TRIM37: variants seen among roughly 807,000 people sequenced by gnomAD.
The protein encoded by TRIM37 is E3 ubiquitin-protein ligase TRIM37.
A neutral mutation model predicts 129.8 loss-of-function variants in TRIM37; 80 were observed. The observed-to-expected ratio is 0.62, with a 90% CI of 0.51 to 0.74. The LOEUF is 0.74. Among genes scored for constraint, TRIM37 ranks in the 30% least tolerant of loss-of-function variants. TRIM37 has a pLI of 0.00. For synonymous variants in TRIM37, 389 were observed against 387.1 expected (o/e 1.00, Z -0.06); for missense variants, 1,054 against 1,176.5 (o/e 0.90, Z 1.52).
intron 22 of TRIM37, among the ~76,000 whole-genome samples, chr17:59,007,509 A>C (rs1444884620): frequency 6.6e-6 from 1 of 152,040 alleles, no homozygotes; most frequent in East Asian, 1.9e-4. Flanking sequence ...TTTTCCCCAG[A>C]TGGTGTTTTG....
chr17:59,022,162 T>C (rs940886032), intron 19 of TRIM37, among the ~76,000 whole-genome samples: 6 of 152,148 alleles, frequency 3.9e-5, no homozygotes, highest in Non-Finnish European at 1.5e-5. Flanking sequence ...GGGTTAAGGA[T>C]AGTGTAATGA....
At chr17:59,071,001 T>A in intron 8 of TRIM37, 54 bp from the exon 9 acceptor site, 1 of 1,599,072 alleles carries the variant, frequency 6.3e-7, no homozygotes, top group Non-Finnish European at 8.5e-7. Flanking sequence ...CACTGCCACC[T>A]CAAAATTCTT....
chr17:59,078,630 ATAT>A (rs1323953619), intron 7 of TRIM37, among the ~76,000 whole-genome samples: 2 of 152,208 alleles, frequency 1.3e-5, no homozygotes, highest in African/African-American at 4.8e-5. Context: ...GAGATCTCAA[ATAT>A]TATCTAGAGT....
chr17:59,051,426 G>C (rs2040335720), intron 13 of TRIM37, 98 bp from the exon 14 acceptor site: 1 of 804,040 alleles, frequency 1.2e-6, no homozygotes, highest in Non-Finnish European at 2.1e-6. Context: ...TGATTATAAG[G>C]CCAAAATTCA....
intron 22 of TRIM37, among the ~76,000 whole-genome samples, chr17:59,003,222 C>T (rs558202387): frequency 6.6e-6 from 1 of 152,264 alleles, no homozygotes; most frequent in South Asian, 2.1e-4. Context: ...AAATGTCTGC[C>T]TACTGGCATA....
Position 59,051,204 on chromosome 17 carries a change from A to T in TRIM37, c.1314+10T>A. 1 of 1,551,072 alleles carries T rather than the reference A, an allele frequency of 6.4e-7. No individual in the cohort carries two copies. Among genetic ancestry groups the T allele is most frequent in the Non-Finnish European group, 8.9e-7 (1 of 1,123,038 alleles). Reference sequence around the variant, plus strand: ...AGGAAACACCAAAACAGAAATAGATATTTTCTTACCTCTTTAAGGTTGTTT... The same window carrying T: ...AGGAAACACCAAAACAGAAATAGATTTTTTCTTACCTCTTTAAGGTTGTTT... On this transcript the variant is annotated intron_variant, in intron 14 of 23. Coordinates refer to ENST00000262294, the MANE Select transcript of TRIM37 (RefSeq NM_015294.6).
In TRIM37 at chr17:59,032,010, G is replaced by A; in HGVS notation, c.1834C>T (p.Leu612=). ...HLCSAATSSL[L]DIDPLILIHL... ...ATTAAAATTAATGGATCAATGTCTA[G>A]TAAACTACTGGTAGCAGCGGAGCAT... Residue 612 remains leucine (L), a synonymous_variant, in exon 18 of 24, where the codon CTA becomes TTA. Transcript: ENST00000262294. 6.2e-7 allele frequency: 1 copy of A among 1,614,158 alleles called. No individual in the cohort carries two copies. Among genetic ancestry groups the A allele is most frequent in the Non-Finnish European group, 8.5e-7 (1 of 1,180,014 alleles).
chr17:59,001,776 A>C, intron 22 of TRIM37, 62 bp from the exon 23 acceptor site: 1 of 1,596,094 alleles, frequency 6.3e-7, no homozygotes, highest in African/African-American at 1.3e-5. Flanking sequence ...AAGGAAACAG[A>C]AATCTCCGTA....
intron 19 of TRIM37, among the ~76,000 whole-genome samples, chr17:59,025,264 TA>T (rs926941451): frequency 6.6e-6 from 1 of 151,986 alleles, no homozygotes; most frequent in Non-Finnish European, 1.5e-5. Flanking sequence ...GACCTATATG[TA>T]AAAAAGTTAG....
chr17:59,088,469 AT>A (rs2147219165), intron 3 of TRIM37, 62 bp from the exon 4 acceptor site: 1 of 1,035,004 alleles, frequency 9.7e-7, no homozygotes, highest in Admixed American at 1.7e-5. Context: ...TATAAAATAA[AT>A]ACGTTTCTCA....
Position 59,028,688 on chromosome 17 carries a change from G to A in TRIM37, c.1984C>T (p.Gln662Ter). 6.2e-7 allele frequency: 1 copy of A among 1,614,146 alleles called. No individual in the cohort carries two copies. Among genetic ancestry groups the A allele is most frequent in the South Asian group, 1.1e-5 (1 of 91,072 alleles). The change falls in exon 19 of 24, where the codon CAA becomes TAA. Residue 662 changes from glutamine to a stop codon, truncating the protein, a stop_gained. Transcript: ENST00000262294. LOFTEE classifies it high-confidence loss of function. ...YSRKDKDQRK[Q>*]QAMWRVPSDL... ...GAGGGCACTCGCCACATTGCCTGTTGCTTCCTTTGGTCTTTATCTTTTCGA... is the reference window on the plus strand; with the variant it reads ...GAGGGCACTCGCCACATTGCCTGTTACTTCCTTTGGTCTTTATCTTTTCGA...
At chr17:59,053,323 G>C (rs955955220) in intron 13 of TRIM37, among the ~76,000 whole-genome samples, 5 of 152,158 alleles carry the variant, frequency 3.3e-5, no homozygotes, top group African/African-American at 1.2e-4. Flanking sequence ...CCAGAATCTT[G>C]AAATAAAAGG....
chr17:59,021,501 G>A lies in TRIM37; in HGVS notation c.2258-4077C>T, dbSNP rs137910375. On this transcript the variant is annotated intron_variant, in intron 19 of 23. Coordinates refer to ENST00000262294, the MANE Select transcript of TRIM37 (RefSeq NM_015294.6). ...AACAACATGGGTGGAACTGGAGATC[G>A]TTATGTTAAGTGAAATACATCAGGC... is the stretch of plus-strand genomic sequence containing the variant. Among the ~76,000 whole-genome samples the A allele has an allele frequency of 8.4e-3, 1,272 of 152,218 alleles. 13 individuals carry two copies. The highest frequency in any genetic ancestry group is 0.02 in the Middle Eastern group (6 of 294).
intron 2 of TRIM37, among the ~76,000 whole-genome samples, chr17:59,101,810 G>A (rs1227020023): frequency 2.7e-5 from 4 of 149,872 alleles, no homozygotes; most frequent in African/African-American, 9.8e-5. Context: ...ATCATGGAGT[G>A]CGCTGATACT....
chr17:59,056,057 C>T (rs2040838806), intron 13 of TRIM37, among the ~76,000 whole-genome samples: 1 of 152,132 alleles, frequency 6.6e-6, no homozygotes. Context: ...AAACCAGTCA[C>T]TCAAATATAA....
intron 2 of TRIM37, among the ~76,000 whole-genome samples, chr17:59,102,534 T>C (rs530597368): frequency 5.3e-5 from 8 of 152,354 alleles, no homozygotes; most frequent in South Asian, 2.1e-4. Context: ...CAAGTAGATA[T>C]AGTATTTCAT....
chr17:59,064,154 C>T, intron 10 of TRIM37: 9 of 529,874 alleles, frequency 1.7e-5, no homozygotes, highest in Non-Finnish European at 3.0e-5. Flanking sequence ...GTTCCTTTTC[C>T]CAGACTAGAG....
chr17:59,003,598 T>G (rs2034066703), intron 22 of TRIM37, among the ~76,000 whole-genome samples: 1 of 150,178 alleles, frequency 6.7e-6, no homozygotes, highest in African/African-American at 2.5e-5. Context: ...AGACTGAATT[T>G]GAATGACAGC....
chr17:59,062,670 CAA>C (rs748730375), intron 10 of TRIM37, 22 bp from the exon 11 acceptor site: 1 of 1,604,926 alleles, frequency 6.2e-7, no homozygotes, highest in East Asian at 2.2e-5. Context: ...GAAAACCAAC[CAA>C]ATCCCAAGAT....
Sources: gnomAD v4.1 joint callset for allele counts (sites outside exome capture counted in the v4.1 genomes callset) on GRCh38, gnomAD v4.1.1 for gene constraint, MANE v1.5 for transcripts, NCBI Gene and HGNC (gene_info 2026-07-23, HGNC 2026-07-21) for gene names.